The following CEMIP variants were observed in gnomAD, a reference collection of about 807,000 sequenced individuals.
The protein encoded by CEMIP is cell migration inducing hyaluronidase 1, also known as cell migration-inducing and hyaluronan-binding protein.
A neutral mutation model predicts 156.9 loss-of-function variants in CEMIP; 105 were observed. The observed-to-expected ratio is 0.67, with a 90% CI of 0.57 to 0.79. The LOEUF (loss-of-function observed/expected upper bound fraction) is 0.79, where lower values mean the gene tolerates loss of function less well. CEMIP is among the 30% of genes least tolerant of loss of function. CEMIP has a pLI of 0.00. For synonymous variants in CEMIP, 676 were observed against 668.4 expected (o/e 1.01, Z -0.17); for missense variants, 1,457 against 1,769.4 (o/e 0.82, Z 3.17).
At chr15:80,846,902 T>C (rs1354184753) in intron 1 of CEMIP, among the ~76,000 whole-genome samples, 3 of 152,238 alleles carry the variant, frequency 2.0e-5, no homozygotes, top group Non-Finnish European at 4.4e-5. Context: ...GGCTGTGCAC[T>C]GGAAGCCCTG....
At chr15:80,915,007 G>A (rs1900215348) in intron 14 of CEMIP, among the ~76,000 whole-genome samples, 1 of 152,134 alleles carries the variant, frequency 6.6e-6, no homozygotes, top group Non-Finnish European at 1.5e-5. Flanking sequence ...GTCAGTTCCT[G>A]GGTGGGGGCC....
At chr15:80,887,376 G>T (rs1393140099) in intron 7 of CEMIP, among the ~76,000 whole-genome samples, 1 of 152,192 alleles carries the variant, frequency 6.6e-6, no homozygotes, top group Non-Finnish European at 1.5e-5. Flanking sequence ...GAGCCTGGCG[G>T]GTGGTATAGT....
chr15:80,941,980 C>T lies in CEMIP; in HGVS notation c.3539C>T (p.Thr1180Ile), dbSNP rs145535447. 391 of 1,614,060 alleles carry T rather than the reference C, an allele frequency of 2.4e-4. 1 individual carries two copies. The highest frequency in any genetic ancestry group is 1.5e-3 in the Middle Eastern group (9 of 6,060). The change falls in exon 26 of 30, where the codon ACA becomes ATA. Residue 1180 changes from threonine to isoleucine, a missense_variant. Coordinates refer to ENST00000394685, the MANE Select transcript of CEMIP (RefSeq NM_001293298.2). ...GCAGGCGTCAGTGACTGCACAGCCA[C>T]AGCTTACCCCAAGTTCACCGAGAGG... ...KNAGVSDCTA[T>I]AYPKFTERAV...
chr15:80,941,611 G>A lies in CEMIP; in HGVS notation c.3408-238G>A, dbSNP rs549676104. On this transcript the variant is annotated intron_variant, in intron 25 of 29. Transcript: ENST00000394685. ...ATATGTCGATTTACGATGTGTGCAC[G>A]GCGTGGCACATAGAACGTGCTCAGA... Among the ~76,000 whole-genome samples, 20 of 152,330 alleles carry A rather than the reference G, an allele frequency of 1.3e-4. No individual in the cohort carries two copies. In the South Asian group the frequency reaches 3.9e-3, roughly 30 times the overall value.
chr15:80,897,462 T>A (rs1482500578), intron 12 of CEMIP: 1 of 404,542 alleles, frequency 2.5e-6, no homozygotes, highest in Non-Finnish European at 5.0e-6. Context: ...ACAATGCAGC[T>A]GTGATGTCAG....
At chr15:80,875,172 C>T (rs1375558821) in intron 3 of CEMIP, among the ~76,000 whole-genome samples, 1 of 151,570 alleles carries the variant, frequency 6.6e-6, no homozygotes, top group Non-Finnish European at 1.5e-5. Flanking sequence ...TAGCTGGGAC[C>T]ACAGATGCAC....
chr15:80,893,834 C>CT (rs1210932013), intron 10 of CEMIP, among the ~76,000 whole-genome samples: 11,761 of 142,812 alleles, frequency 0.082, 1,208 homozygotes, highest in African/African-American at 0.25. Context: ...AAAGTCTCCT[C>CT]TTTTTTTTTT....
intron 1 of CEMIP, among the ~76,000 whole-genome samples, chr15:80,855,245 A>G (rs1047435696): frequency 2.0e-5 from 3 of 152,146 alleles, no homozygotes; most frequent in Non-Finnish European, 2.9e-5. Flanking sequence ...ATATAGTAAC[A>G]TTTATGGAAC....
rs911153492 is a variant in CEMIP, at chr15:80,855,230, C to A, written c.-175-18308C>A. ...AAATAAAAGTCAAAGCTCCTCCTCA[C>A]CAACATATAGTAACATTTATGGAAC... On this transcript the variant is annotated intron_variant, in intron 1 of 29. Transcript: ENST00000394685. 2.6e-5 allele frequency among the ~76,000 whole-genome samples: 4 copies of A among 152,170 alleles called. No individual in the cohort carries two copies. In the East Asian group the frequency reaches 7.7e-4, roughly 29 times the overall value.
intron 12 of CEMIP, chr15:80,897,274 G>T (rs2141863743): frequency 2.2e-6 from 1 of 455,988 alleles, no homozygotes; most frequent in South Asian, 1.5e-5. Context: ...ATTTTGGAAA[G>T]AAACCCACAG....
At chr15:80,926,986 A>G (rs150648951) in intron 19 of CEMIP, among the ~76,000 whole-genome samples, 1,936 of 152,126 alleles carry the variant, frequency 0.013, 38 homozygotes, top group African/African-American at 0.043. Context: ...GTGCACCACC[A>G]CGCCAGGCTA....
chr15:80,870,513 C>A (rs960687335), intron 1 of CEMIP, among the ~76,000 whole-genome samples: 1 of 152,168 alleles, frequency 6.6e-6, no homozygotes, highest in Non-Finnish European at 1.5e-5. Flanking sequence ...CTCCTCTTCC[C>A]CTGTCTCCCC....
Position 80,881,066 on chromosome 15 carries a change from A to G in CEMIP, c.547A>G (p.Ser183Gly). 1.9e-6 allele frequency: 3 copies of G among 1,614,176 alleles called. No homozygotes were observed. Among genetic ancestry groups the G allele is most frequent in the African/African-American group, 1.3e-5 (1 of 75,038 alleles). The change falls in exon 6 of 30, where the codon AGC becomes GGC. Residue 183 changes from serine (S) to glycine (G), a missense_variant. Coordinates refer to ENST00000394685, the MANE Select transcript of CEMIP (RefSeq NM_001293298.2). Reference protein sequence around the residue: ...MAEGGYFFERSWGHRGVIVHV... With the variant: ...MAEGGYFFERGWGHRGVIVHV... The stretch of plus-strand genomic sequence containing the variant: ...AGAAGGAGGCTATTTTTTTGAAAGG[A>G]GCTGGGGCCACCGTGGAGTTATTGT...
chr15:80,783,348 C>T (rs957722840), intron 1 of CEMIP, among the ~76,000 whole-genome samples: 3 of 152,250 alleles, frequency 2.0e-5, no homozygotes, highest in Admixed American at 6.5e-5. Context: ...CTGGACTACA[C>T]ATCTCTTTCT....
chr15:80,894,102 C>T (rs1371097495), intron 10 of CEMIP, among the ~76,000 whole-genome samples: 2 of 152,200 alleles, frequency 1.3e-5, no homozygotes, highest in Non-Finnish European at 2.9e-5. Context: ...ACTGAGACCT[C>T]ACTCTGTGCC....
At chr15:80,815,127 C>G (rs1022773167) in intron 1 of CEMIP, among the ~76,000 whole-genome samples, 2 of 152,254 alleles carry the variant, frequency 1.3e-5, no homozygotes, top group Non-Finnish European at 2.9e-5. Context: ...CATATATACC[C>G]TGCATGTAAG....
intron 1 of CEMIP, among the ~76,000 whole-genome samples, chr15:80,795,633 T>C (rs2141589494): frequency 6.6e-6 from 1 of 151,952 alleles, no homozygotes; most frequent in East Asian, 1.9e-4. Context: ...TCAACAGGAG[T>C]TATTCATTGC....
intron 1 of CEMIP, among the ~76,000 whole-genome samples, chr15:80,800,524 C>T (rs1170688050): frequency 1.3e-5 from 2 of 152,122 alleles, no homozygotes; most frequent in African/African-American, 4.8e-5. Context: ...GTTGGTATTT[C>T]TCTTTAATAA....
chr15:80,783,542 G>A (rs1895850584), intron 1 of CEMIP, among the ~76,000 whole-genome samples: 1 of 152,200 alleles, frequency 6.6e-6, no homozygotes, highest in Non-Finnish European at 1.5e-5. Context: ...GTGGCAGTGG[G>A]TACTGGGGGA....
Sources: allele counts gnomAD v4.1 joint callset (sites outside exome capture counted in the v4.1 genomes callset), GRCh38; gene constraint gnomAD v4.1.1; transcripts MANE v1.5; gene names NCBI Gene and HGNC (gene_info 2026-07-23, HGNC 2026-07-21).